The following SPMIP2 variants were observed in gnomAD, a reference collection of about 807,000 sequenced individuals.
SPMIP2 encodes the protein protein SPMIP2.
At chr4:158,953,370 T>A in the SPMIP2 span, among the ~76,000 whole-genome samples, 241 of 152,296 alleles carry the variant, frequency 1.6e-3, no homozygotes, top group African/African-American at 5.4e-3. Flanking sequence ...AGCTTCCACG[T>A]GGTGTTGAGC....
the SPMIP2 span, chr4:159,026,374 C>T: frequency 1.3e-6 from 1 of 781,654 alleles, no homozygotes; most frequent in Non-Finnish European, 2.2e-6. Flanking sequence ...AACTCAGACT[C>T]TCTACAACTT....
At chr4:159,007,452 G>T in the SPMIP2 span, 8 of 681,520 alleles carry the variant, frequency 1.2e-5, no homozygotes, top group Admixed American at 7.3e-5. Context: ...CCAGGAGTCT[G>T]TAGTCTCAAA....
chr4:158,974,310 G>C, the SPMIP2 span, among the ~76,000 whole-genome samples: 1 of 151,902 alleles, frequency 6.6e-6, no homozygotes, highest in Non-Finnish European at 1.5e-5. Flanking sequence ...TCACTTAAAT[G>C]AATTTTTTAT....
the SPMIP2 span, among the ~76,000 whole-genome samples, chr4:159,039,545 A>G: frequency 6.6e-6 from 1 of 152,342 alleles, no homozygotes; most frequent in East Asian, 1.9e-4. Flanking sequence ...GAATAAATTG[A>G]TGGCATTGAC....
At chr4:159,007,946 G>A in the SPMIP2 span, 1 of 388,058 alleles carries the variant, frequency 2.6e-6, no homozygotes, top group East Asian at 6.9e-5. Flanking sequence ...TTTAAGAAAT[G>A]GTATATTTCA....
the SPMIP2 span, among the ~76,000 whole-genome samples, chr4:158,975,201 A>G: frequency 0.97 from 147,722 of 152,228 alleles, 71,828 homozygotes; most frequent in East Asian, 1. Context: ...TGATATTAGC[A>G]CTTTCAGATG....
the SPMIP2 span, among the ~76,000 whole-genome samples, chr4:158,990,479 G>A: frequency 6.6e-6 from 1 of 152,092 alleles, no homozygotes; most frequent in South Asian, 2.1e-4. Flanking sequence ...TACTGACTTG[G>A]AACCAACCCA....
chr4:159,063,716 A>T, the SPMIP2 span, among the ~76,000 whole-genome samples: 1 of 152,188 alleles, frequency 6.6e-6, no homozygotes, highest in Admixed American at 6.5e-5. Context: ...AAGCGTGTTA[A>T]CTTTGGTATT....
At chr4:159,033,384 T>C in the SPMIP2 span, among the ~76,000 whole-genome samples, 2 of 152,174 alleles carry the variant, frequency 1.3e-5, no homozygotes, top group African/African-American at 2.4e-5. Context: ...GGTGAATACA[T>C]GGTCCTATTA....
the SPMIP2 span, among the ~76,000 whole-genome samples, chr4:158,939,978 G>A: frequency 1.3e-5 from 2 of 152,212 alleles, no homozygotes; most frequent in African/African-American, 4.8e-5. Flanking sequence ...TTAGAGGATT[G>A]ATCTGCATCA....
At chr4:159,034,845 C>G in the SPMIP2 span, among the ~76,000 whole-genome samples, 3 of 151,842 alleles carry the variant, frequency 2.0e-5, no homozygotes, top group Non-Finnish European at 4.4e-5. Context: ...GAGCCGAGAT[C>G]GCGCCATTGT....
At chr4:159,035,298 A>G in the SPMIP2 span, 1 of 537,132 alleles carries the variant, frequency 1.9e-6, no homozygotes. Context: ...CCAAGAGCAG[A>G]GACAGATACT....
the SPMIP2 span, among the ~76,000 whole-genome samples, chr4:158,922,316 C>G: frequency 1.6e-4 from 25 of 152,166 alleles, no homozygotes; most frequent in Non-Finnish European, 3.2e-4. Flanking sequence ...CCAGGATGCT[C>G]TCCCCAACAG....
the SPMIP2 span, among the ~76,000 whole-genome samples, chr4:158,957,608 G>C: frequency 1.3e-5 from 2 of 152,086 alleles, no homozygotes; most frequent in Admixed American, 1.3e-4. Context: ...TGTATTATTA[G>C]TACAGACAGG....
the SPMIP2 span, among the ~76,000 whole-genome samples, chr4:158,940,531 TGGTGATG>T: frequency 6.6e-6 from 1 of 150,650 alleles, no homozygotes; most frequent in Non-Finnish European, 1.5e-5. Context: ...GTTTCCAAAG[TGGTGATG>T]TCCTAATTCT....
the SPMIP2 span, among the ~76,000 whole-genome samples, chr4:158,966,076 T>A: frequency 9.2e-5 from 14 of 152,226 alleles, no homozygotes; most frequent in Non-Finnish European, 1.8e-4. Context: ...GTGGTCATAG[T>A]GGATTCCTAT....
the SPMIP2 span, among the ~76,000 whole-genome samples, chr4:158,989,916 A>C: frequency 1.3e-5 from 2 of 152,226 alleles, no homozygotes; most frequent in Non-Finnish European, 2.9e-5. Flanking sequence ...TCTGCACAGC[A>C]AAAGAAACTA....
At chr4:159,012,866 C>A in the SPMIP2 span, among the ~76,000 whole-genome samples, 2 of 152,164 alleles carry the variant, frequency 1.3e-5, no homozygotes, top group African/African-American at 2.4e-5. Context: ...AGCCACTGCA[C>A]CTGGCCAATT....
chr4:159,008,475 A>G, the SPMIP2 span, among the ~76,000 whole-genome samples: 3 of 152,160 alleles, frequency 2.0e-5, no homozygotes, highest in Admixed American at 2.0e-4. Flanking sequence ...AGGCTAAGGC[A>G]GGAGAATCAC....
Sources: gnomAD v4.1 joint callset for allele counts (sites outside exome capture counted in the v4.1 genomes callset) on GRCh38, gnomAD v4.1.1 for gene constraint, MANE v1.5 for transcripts, NCBI Gene and HGNC (gene_info 2026-07-23, HGNC 2026-07-21) for gene names.